DNAJC12: variants seen among roughly 807,000 people sequenced by gnomAD.
DNAJC12 encodes dnaJ homolog subfamily C member 12.
A neutral mutation model predicts 28.5 loss-of-function variants in DNAJC12; 25 were observed. The observed-to-expected ratio is 0.88, with a 90% CI of 0.64 to 1.22. DNAJC12 has a LOEUF of 1.22. Ranked by LOEUF, DNAJC12 falls within the 50% of genes most tolerant of loss-of-function variation. The probability of loss-of-function intolerance (pLI) is 0.00; values close to 1 mark genes in which losing one functional copy is unlikely to be tolerated. For missense variants in DNAJC12, 222 were observed against 231.7 expected, an observed-to-expected ratio of 0.96 and a Z score of 0.27; for synonymous variants, 77 against 80.6, an observed-to-expected ratio of 0.95 and a Z score of 0.24.
At position 67,805,734 on chromosome 10, in the gene DNAJC12, G is replaced by A; in HGVS notation, c.351C>T (p.Asp117=). Residue 117 remains aspartate (D), a synonymous_variant, in exon 4 of 5, where the codon GAC becomes GAT. Transcript: ENST00000225171. ...TTTCCATCTTGGTGGTATGAGTCTT[G>A]TCAGATTCTTCCAGCATCAGGTCTT... ...GKKDLMLEES[D]KTHTTKMENE... 1.2e-6 allele frequency: 2 copies of A among 1,611,174 alleles called. No individual in the cohort carries two copies. The highest frequency in any genetic ancestry group is 1.7e-6 in the Non-Finnish European group (2 of 1,179,250).
chr10:67,817,675 G>T (rs1431565318), intron 2 of DNAJC12, among the ~76,000 whole-genome samples: 1 of 150,948 alleles, frequency 6.6e-6, no homozygotes, highest in Non-Finnish European at 1.5e-5. Context: ...TCAGGAGTTT[G>T]AGACCATCCT....
At chr10:67,813,617 G>A (rs1396446905) in intron 2 of DNAJC12, among the ~76,000 whole-genome samples, 2 of 151,378 alleles carry the variant, frequency 1.3e-5, no homozygotes, top group Non-Finnish European at 2.9e-5. Context: ...AATTAGTTGG[G>A]TGTGGTGGCA....
At chr10:67,835,573 C>G (rs1842134541) in intron 1 of DNAJC12, among the ~76,000 whole-genome samples, 1 of 151,938 alleles carries the variant, frequency 6.6e-6, no homozygotes, top group Non-Finnish European at 1.5e-5. Context: ...GCCTGTAGTC[C>G]CAGCTACTCA....
At chr10:67,824,017 C>A (rs899751584) in intron 1 of DNAJC12, among the ~76,000 whole-genome samples, 26 of 152,046 alleles carry the variant, frequency 1.7e-4, no homozygotes, top group African/African-American at 5.3e-4. Context: ...GTGGGCAGAT[C>A]ACAAGGTTAG....
intron 2 of DNAJC12, among the ~76,000 whole-genome samples, chr10:67,815,844 T>C (rs1311400497): frequency 6.6e-6 from 1 of 152,258 alleles, no homozygotes; most frequent in Non-Finnish European, 1.5e-5. Flanking sequence ...TGAAAGAAGC[T>C]GCTTAGAATT....
At chr10:67,797,876 T>G (rs1841692766) in intron 4 of DNAJC12, among the ~76,000 whole-genome samples, 1 of 151,850 alleles carries the variant, frequency 6.6e-6, no homozygotes, top group African/African-American at 2.4e-5. Flanking sequence ...CCGTCTCTAC[T>G]AAAAATACAA....
intron 1 of DNAJC12, among the ~76,000 whole-genome samples, chr10:67,829,572 C>T (rs1842072546): frequency 1.3e-5 from 2 of 152,048 alleles, no homozygotes; most frequent in Non-Finnish European, 2.9e-5. Flanking sequence ...ATCTGGGAGG[C>T]GGAGCTTGCA....
intron 4 of DNAJC12, among the ~76,000 whole-genome samples, chr10:67,799,749 A>G (rs576094889): frequency 7.9e-5 from 12 of 152,076 alleles, no homozygotes; most frequent in South Asian, 6.2e-4. Context: ...TGGGCGTGGT[A>G]GCACACGCCT....
chr10:67,832,185 A>G (rs1842100481), intron 1 of DNAJC12, among the ~76,000 whole-genome samples: 1 of 151,798 alleles, frequency 6.6e-6, no homozygotes, highest in South Asian at 2.1e-4. Flanking sequence ...GAATTGCTTG[A>G]ACCCGGGAGG....
rs548452806 is a variant in DNAJC12 at position 67,797,833 on chromosome 10, G to T, written c.503-623C>A. The stretch of plus-strand genomic sequence containing the variant: ...AGGCGGGCGGATCACGAGGTCAGGA[G>T]ATCAAGACCATCCTGGCTAACACGG... On this transcript the variant is annotated intron_variant, in intron 4 of 4. Transcript: ENST00000225171. 6.3e-3 allele frequency among the ~76,000 whole-genome samples: 959 copies of T among 152,182 alleles called. 7 individuals are homozygous for T. The highest frequency in any genetic ancestry group is 0.011 in the Non-Finnish European group (749 of 68,010).
At chr10:67,813,846 C>T (rs1007554696) in intron 2 of DNAJC12, among the ~76,000 whole-genome samples, 1 of 150,648 alleles carries the variant, frequency 6.6e-6, no homozygotes, top group African/African-American at 2.4e-5. Flanking sequence ...TCAAAAGAAG[C>T]TAAAGAAGAT....
intron 2 of DNAJC12, among the ~76,000 whole-genome samples, chr10:67,819,431 G>C (rs889040370): frequency 2.6e-5 from 4 of 151,550 alleles, no homozygotes; most frequent in African/African-American, 9.7e-5. Context: ...CTGAGGTCGG[G>C]AGATCAAGAC....
chr10:67,812,936 C>T (rs980619910), intron 2 of DNAJC12, among the ~76,000 whole-genome samples: 6 of 151,650 alleles, frequency 4.0e-5, no homozygotes, highest in African/African-American at 1.5e-4. Context: ...GCAGGAGAAT[C>T]GTTGGAACCC....
intron 4 of DNAJC12, among the ~76,000 whole-genome samples, chr10:67,799,685 C>G (rs1841718716): frequency 1.3e-5 from 2 of 152,004 alleles, no homozygotes; most frequent in African/African-American, 4.8e-5. Flanking sequence ...GAATTCGAGA[C>G]CAGCCTGACC....
At chr10:67,799,425 T>A (rs775280292) in intron 4 of DNAJC12, among the ~76,000 whole-genome samples, 1 of 152,218 alleles carries the variant, frequency 6.6e-6, no homozygotes, top group Admixed American at 6.6e-5. Context: ...ACAAAATATG[T>A]ACAGTATGAT....
intron 2 of DNAJC12, among the ~76,000 whole-genome samples, chr10:67,818,066 G>A (rs746171704): frequency 6.6e-6 from 1 of 152,048 alleles, no homozygotes; most frequent in Non-Finnish European, 1.5e-5. Context: ...TTACTCAGGT[G>A]TGGTGGCGCA....
At chr10:67,815,883 T>G (rs1841911325) in intron 2 of DNAJC12, among the ~76,000 whole-genome samples, 1 of 152,218 alleles carries the variant, frequency 6.6e-6, no homozygotes, top group South Asian at 2.1e-4. Context: ...CAACAACAGT[T>G]GATAAGCAGA....
chr10:67,816,476 G>A (rs1034016256), intron 2 of DNAJC12, among the ~76,000 whole-genome samples: 22 of 151,016 alleles, frequency 1.5e-4, no homozygotes, highest in Non-Finnish European at 4.4e-5. Flanking sequence ...ATATCCAAAT[G>A]TCCTTGAAGT....
At chr10:67,816,694 C>T (rs868230131) in intron 2 of DNAJC12, among the ~76,000 whole-genome samples, 1 of 151,996 alleles carries the variant, frequency 6.6e-6, no homozygotes. Context: ...TACAGGCACC[C>T]GCCACCACAC....
Sources: allele counts gnomAD v4.1 joint callset (sites outside exome capture counted in the v4.1 genomes callset), GRCh38; gene constraint gnomAD v4.1.1; transcripts MANE v1.5; gene names NCBI Gene and HGNC (gene_info 2026-07-23, HGNC 2026-07-21).